Variants in IGSF8 observed in about 807,000 individuals in gnomAD.
IGSF8 encodes the protein immunoglobulin superfamily member 8.
In IGSF8, 46 loss-of-function variants were observed where a neutral mutation model predicts 55.5. The observed-to-expected ratio is 0.83, with a 90% confidence interval of 0.65 to 1.06. The LOEUF (loss-of-function observed/expected upper bound fraction) is 1.06, where lower values mean the gene tolerates loss of function less well. Ranked by LOEUF, IGSF8 falls within the 50% of genes least tolerant of loss-of-function variation. The pLI is 0.00. For synonymous variants in IGSF8, 314 were observed against 356.1 expected (o/e 0.88, Z 1.33); for missense variants, 731 against 832.3 (o/e 0.88, Z 1.50).
chr1:160,098,329 AG>A, intron 1 of IGSF8, 79 bp downstream of exon 1: 1 of 1,510,778 alleles, frequency 6.6e-7, no homozygotes, highest in Non-Finnish European at 8.9e-7. Flanking sequence ...GGATGTGAGG[AG>A]CCCCGAAATG....
At chr1:160,097,070 T>G (rs1045442805) in intron 1 of IGSF8, among the ~76,000 whole-genome samples, 11 of 152,246 alleles carry the variant, frequency 7.2e-5, no homozygotes, top group Admixed American at 2.6e-4. Context: ...AGGCCTGCTT[T>G]GGAATCAGAT....
chr1:160,092,811 G>C, intron 4 of IGSF8, 113 bp downstream of exon 4: 2 of 1,489,094 alleles, frequency 1.3e-6, no homozygotes, highest in African/African-American at 2.8e-5. Flanking sequence ...TGGTAGAAGA[G>C]GAGCGTGAGG....
Position 160,091,410 on chromosome 1 carries a change from A to G in IGSF8, c.*214T>C, listed in dbSNP as rs1166318319. On this transcript the variant is annotated 3_prime_UTR_variant, in exon 7 of 7. Transcript: ENST00000314485. ...CCAGGACAGGAAATGGCCTCCCTAT[A>G]GGATCCCTAAGAGATCAAGAACAGA... 1 of 187,530 alleles carries G rather than the reference A, an allele frequency of 5.3e-6. No individual in the cohort carries two copies. The highest frequency in any genetic ancestry group is 1.1e-5 in the Non-Finnish European group (1 of 90,458). The allele number at this position is 187,530 out of a possible 1,614,324, so 11.6% of individuals were successfully genotyped here. A position where few individuals can be genotyped will look rare whatever the true frequency, so the allele number is the denominator to read the frequency against.
Position 160,092,482 on chromosome 1 carries a change from C to T in IGSF8, c.1526G>A (p.Gly509Glu). 6.2e-7 allele frequency: 1 copy of T among 1,613,400 alleles called. No homozygotes were observed. The highest frequency in any genetic ancestry group is 1.1e-5 in the South Asian group (1 of 90,994). Residue 509 changes from glycine to glutamate, a missense_variant, in exon 5 of 7, where the codon GGA (glycine) becomes GAA (glutamate). By Grantham distance (98) the Gly-to-Glu change is moderately conservative. Coordinates refer to ENST00000314485, the MANE Select transcript of IGSF8 (RefSeq NM_052868.6). ...GACAGGGCCTCCTCCAGGCCGGACTCCCAGCTCTGCCACACCATCCTGGCC... is the reference window on the plus strand; with the variant it reads ...GACAGGGCCTCCTCCAGGCCGGACTTCCAGCTCTGCCACACCATCCTGGCC... Reference protein sequence around the residue: ...GVGQDGVAELGVRPGGGPVSV... With the variant: ...GVGQDGVAELEVRPGGGPVSV...
rs1337815550 is a variant in IGSF8 at position 160,098,432 on chromosome 1, G to A, written c.41C>T (p.Pro14Leu). 10 of 1,547,686 alleles carry A rather than the reference G, an allele frequency of 6.5e-6. No individual in the cohort carries two copies. In the East Asian group the frequency reaches 2.4e-4, roughly 38 times the overall value. ...LRPTLLPPSL[P>L]LLLLLMLGMG... ...ACCTAGCATTAGCAGCAGCAGCAGCGGCAGCGAAGGCGGCAGCAGCGTGGG... is the reference window on the plus strand; with the variant it reads ...ACCTAGCATTAGCAGCAGCAGCAGCAGCAGCGAAGGCGGCAGCAGCGTGGG... Residue 14 changes from proline to leucine, a missense_variant, in exon 1 of 7, where the codon CCG becomes CTG. By Grantham distance (98) the Pro-to-Leu change is moderately conservative. Coordinates refer to ENST00000314485, the MANE Select transcript of IGSF8 (RefSeq NM_052868.6).
At position 160,096,778 on chromosome 1, in the gene IGSF8, C is replaced by A. The variant is rs1650463251; in HGVS notation, c.65-1532G>T. ...ACTGGAGGAGAACTAAGAGCTCCAG[C>A]TCTGACCATGTGTGAGTGCGTATGT... is the stretch of plus-strand genomic sequence containing the variant. On this transcript the variant is annotated intron_variant, in intron 1 of 6. Transcript: ENST00000314485. Among the ~76,000 whole-genome samples, 3 of 152,234 alleles carry A rather than the reference C, an allele frequency of 2.0e-5. No individual in the cohort carries two copies. The South Asian group carries it at 6.2e-4, about 32-fold the overall frequency.
At position 160,093,661 on chromosome 1, in the gene IGSF8, G is replaced by T. The variant is rs376411413; in HGVS notation, c.904+49C>A. The T allele has an allele frequency of 2.0e-6, 3 of 1,480,362 alleles. No homozygotes were observed. The African/African-American group carries it at 4.2e-5, about 21-fold the overall frequency. 91.7% of individuals were successfully genotyped at this position (1,480,362 alleles called of 1,614,324 possible). The stretch of plus-strand genomic sequence containing the variant: ...CCCCTGTGGCCACAGTGCCCACCAG[G>T]ATACTGTCCCTCCCAGCTCCCACAG... On this transcript the variant is annotated intron_variant, in intron 3 of 6. Transcript: ENST00000314485.
Position 160,093,798 on chromosome 1 carries a change from G to A in IGSF8, c.816C>T (p.Ala272=), listed in dbSNP as rs113700625. The change falls in exon 3 of 7, where the codon GCC becomes GCT. Residue 272 remains alanine (A), a synonymous_variant. Coordinates refer to ENST00000314485, the MANE Select transcript of IGSF8 (RefSeq NM_052868.6). ...AGDAGTYHCT[A]AEWIQDPDGS... is the part of the protein sequence containing the mutation. ...CATCAGGATCCTGAATCCACTCAGC[G>A]GCAGTGCAGTGGTAGGTGCCTGCGT... 5.5e-5 allele frequency: 89 copies of A among 1,614,028 alleles called. 2 individuals carry two copies. Among genetic ancestry groups the A allele is most frequent in the African/African-American group, 2.7e-4 (20 of 75,036 alleles).
rs1353122386 is a variant in IGSF8, at chr1:160,094,225, T to C, written c.443-54A>G. 4 of 1,143,226 alleles carry C rather than the reference T, an allele frequency of 3.5e-6. No homozygotes were observed. Among genetic ancestry groups the C allele is most frequent in the African/African-American group, 1.5e-5 (1 of 65,396 alleles). The allele number at this position is 1,143,226 out of a possible 1,614,324, so 70.8% of individuals were successfully genotyped here. Reference sequence around the variant, plus strand: ...GCTGGGAGCTGGCAGCCCTTGTTACTGTTTCCTGTGTATAGCCTATCTCCC... The same window carrying C: ...GCTGGGAGCTGGCAGCCCTTGTTACCGTTTCCTGTGTATAGCCTATCTCCC... On this transcript the variant is annotated intron_variant, in intron 2 of 6. Coordinates refer to ENST00000314485, the MANE Select transcript of IGSF8 (RefSeq NM_052868.6). The surrounding 1 kb of genome is among the most constrained non-coding windows in gnomAD (Gnocchi z 4.0).
chr1:160,095,370 A>C, intron 1 of IGSF8, 124 bp from the exon 2 acceptor site: 1 of 967,876 alleles, frequency 1.0e-6, no homozygotes, highest in Non-Finnish European at 1.5e-6. Context: ...GCTTGTCCAC[A>C]GCTTGGACCC....
Position 160,098,479 on chromosome 1 carries a change from C to T in IGSF8, c.-7G>A, listed in dbSNP as rs1650607084. On this transcript the variant is annotated 5_prime_UTR_variant, in exon 1 of 7. Transcript: ENST00000314485. ...TGGGCCTGAGGGCGCCCATCCTGCGCGGCCAGCTCTGGGGAGGCTCCGGGG... is the reference window on the plus strand; with the variant it reads ...TGGGCCTGAGGGCGCCCATCCTGCGTGGCCAGCTCTGGGGAGGCTCCGGGG... 6.5e-7 allele frequency: 1 copy of T among 1,531,328 alleles called. No individual in the cohort carries two copies. Among genetic ancestry groups the T allele is most frequent in the African/African-American group, 1.4e-5 (1 of 71,656 alleles). 94.9% of individuals were successfully genotyped at this position (1,531,328 alleles called of 1,614,324 possible). A position where few individuals can be genotyped will look rare whatever the true frequency, so the allele number is the denominator to read the frequency against.
At chr1:160,097,479 C>T (rs918315148) in intron 1 of IGSF8, among the ~76,000 whole-genome samples, 1 of 152,140 alleles carries the variant, frequency 6.6e-6, no homozygotes, top group Non-Finnish European at 1.5e-5. Flanking sequence ...CAGCCTCTGC[C>T]TTGACGACAG....
chr1:160,094,894 G>C lies in IGSF8; in HGVS notation c.417C>G (p.Ser139Arg). The C allele has an allele frequency of 1.9e-6, 3 of 1,613,424 alleles. No individual in the cohort carries two copies. Among genetic ancestry groups the C allele is most frequent in the Non-Finnish European group, 2.5e-6 (3 of 1,179,560 alleles). ...TPSTDTRYLG[S>R]YSGKVELRVL... is the part of the protein sequence containing the mutation. ...CTCTCAGCTCCACCTTGCCGCTGTA[G>C]CTGCCCAGGTAGCGGGTATCAGTGG... is the stretch of plus-strand genomic sequence containing the variant. The change falls in exon 2 of 7, where the codon AGC becomes AGG. Residue 139 changes from serine to arginine, a missense_variant. Transcript: ENST00000314485. The surrounding 1 kb of genome is among the most constrained non-coding windows in gnomAD (Gnocchi z 4.0).
intron 1 of IGSF8, chr1:160,098,027 G>A: frequency 1.0e-6 from 1 of 972,868 alleles, no homozygotes; most frequent in South Asian, 4.8e-5. Context: ...GGCAGGCACT[G>A]CCCTCGTAGG....
Position 160,093,309 on chromosome 1 carries a change from C to T in IGSF8, c.927G>A (p.Val309=), listed in dbSNP as rs1399689746. ...QTLSSQLAVT[V]GPGERRIGPG... is the part of the protein sequence containing the mutation. The stretch of plus-strand genomic sequence containing the variant: ...GGCCGATCCGACGTTCACCAGGCCC[C>T]ACTGTCACTGCCAGCTGGCTGGCTG... Residue 309 remains valine (V), a synonymous_variant, in exon 4 of 7, where the codon GTG becomes GTA. Coordinates refer to ENST00000314485, the MANE Select transcript of IGSF8 (RefSeq NM_052868.6). 6.3e-7 allele frequency: 1 copy of T among 1,591,844 alleles called. No individual in the cohort carries two copies. The highest frequency in any genetic ancestry group is 8.6e-7 in the Non-Finnish European group (1 of 1,162,768).
Position 160,092,566 on chromosome 1 carries a change from A to T in IGSF8, c.1442T>A (p.Val481Glu). 1 of 1,610,034 alleles carries T rather than the reference A, an allele frequency of 6.2e-7. No homozygotes were observed. Among genetic ancestry groups the T allele is most frequent in the East Asian group, 2.2e-5 (1 of 44,852 alleles). ...PGLRLAASWW[V>E]ERPEDGELSS... ...GAGCTCTCCGTCCTCTGGTCGCTCC[A>T]CCCACCAGCTGGCGGCCAGCCGCAG... The change falls in exon 5 of 7, where the codon GTG becomes GAG. Residue 481 changes from valine to glutamate, a missense_variant. By Grantham distance (121) the Val-to-Glu change is moderately radical. Transcript: ENST00000314485.
Position 160,093,268 on chromosome 1 carries a change from T to A in IGSF8, c.968A>T (p.Glu323Val). 1 of 1,613,148 alleles carries A rather than the reference T, an allele frequency of 6.2e-7. No homozygotes were observed. The highest frequency in any genetic ancestry group is 8.5e-7 in the Non-Finnish European group (1 of 1,179,266). ...TGCCCCTGACACATTGCACAGCAGT[T>A]CCAAGGGCTCCCCTGGGCCGATCCG... ...ERRIGPGEPL[E>V]LLCNVSGALP... is the part of the protein sequence containing the mutation. Residue 323 changes from glutamate (E) to valine (V), a missense_variant, in exon 4 of 7, where the codon GAA becomes GTA. Coordinates refer to ENST00000314485, the MANE Select transcript of IGSF8 (RefSeq NM_052868.6).
In IGSF8 at chr1:160,092,349, G is replaced by A. The variant is rs774320673; in HGVS notation, c.1659C>T (p.Ala553=). 2.7e-5 allele frequency: 43 copies of A among 1,613,782 alleles called. 1 individual carries two copies. Among genetic ancestry groups the A allele is most frequent in the South Asian group, 1.3e-4 (12 of 91,088 alleles). The part of the protein sequence containing the change: ...HCAPSAWVQH[A]DYSWYQAGSA... ...TGCCCGCCTGGTACCAGCTGTAGTC[G>A]GCATGCTGCACCCAGGCGCTGGGGG... The change falls in exon 5 of 7, where the codon GCC becomes GCT. Residue 553 remains alanine (A), a synonymous_variant. Transcript: ENST00000314485.
rs1650360412 is a variant in IGSF8, at chr1:160,095,351, C to T, written c.65-105G>A. ...TCTCTGCCTACAAAAGGAAAGGAGACCTGGGAAAGCTTGTCCACAGCTTGG... is the reference window on the plus strand; with the variant it reads ...TCTCTGCCTACAAAAGGAAAGGAGATCTGGGAAAGCTTGTCCACAGCTTGG... On this transcript the variant is annotated intron_variant, in intron 1 of 6. Transcript: ENST00000314485. 4 of 1,193,464 alleles carry T rather than the reference C, an allele frequency of 3.4e-6. No homozygotes were observed. The South Asian group carries it at 6.3e-5, about 19-fold the overall frequency. 73.9% of individuals were successfully genotyped at this position (1,193,464 alleles called of 1,614,324 possible). A position where few individuals can be genotyped will look rare whatever the true frequency, so the allele number is the denominator to read the frequency against.
Sources: allele counts gnomAD v4.1 joint callset (sites outside exome capture counted in the v4.1 genomes callset), GRCh38; gene constraint gnomAD v4.1.1; non-coding constraint Gnocchi (gnomAD v3.1); transcripts MANE v1.5; gene names NCBI Gene and HGNC (gene_info 2026-07-23, HGNC 2026-07-21).